Variants in ZPBP observed in about 807,000 individuals in gnomAD.
The protein encoded by ZPBP is zona pellucida-binding protein 1.
In ZPBP, 26 loss-of-function variants were observed where a neutral mutation model predicts 44.8. That is an observed-to-expected ratio of 0.58 (90% CI 0.43 to 0.81). The LOEUF is 0.81. Among genes scored for constraint, ZPBP ranks in the 30% least tolerant of loss-of-function variants. ZPBP has a pLI of 0.00. For synonymous variants in ZPBP, 174 were observed against 153.2 expected (o/e 1.14, Z -1.00); for missense variants, 409 against 434.0 (o/e 0.94, Z 0.51).
At chr7:49,973,764 G>T (rs1796391924) in intron 7 of ZPBP, among the ~76,000 whole-genome samples, 2 of 152,080 alleles carry the variant, frequency 1.3e-5, no homozygotes, top group African/African-American at 4.8e-5. Context: ...AGCTGTTGTG[G>T]AAAAGTTTGA....
chr7:49,983,103 C>T (rs992725861), intron 7 of ZPBP, among the ~76,000 whole-genome samples: 5 of 151,878 alleles, frequency 3.3e-5, no homozygotes, highest in Admixed American at 1.3e-4. Context: ...TGTTTCCTCC[C>T]AGATAACTGC....
At chr7:49,846,313 A>G (rs910547054), downstream of ZPBP, among the ~76,000 whole-genome samples, 1 of 152,140 alleles carries the variant, frequency 6.6e-6, no homozygotes, top group African/African-American at 2.4e-5. Context: ...AACAATAACA[A>G]CAACAAACAT....
intron 3 of ZPBP, among the ~76,000 whole-genome samples, chr7:50,066,890 G>A (rs1584158061): frequency 6.6e-6 from 1 of 152,246 alleles, no homozygotes; most frequent in South Asian, 2.1e-4. Flanking sequence ...CGGGCGATCT[G>A]GGTCTTGTTG....
intron 4 of ZPBP, among the ~76,000 whole-genome samples, chr7:50,032,078 C>T (rs1799631206): frequency 6.6e-6 from 1 of 152,068 alleles, no homozygotes; most frequent in African/African-American, 2.4e-5. Context: ...ACTTTCTTAC[C>T]TACACATTTA....
intron 7 of ZPBP, among the ~76,000 whole-genome samples, chr7:49,971,933 T>C (rs1246057429): frequency 6.6e-6 from 1 of 152,032 alleles, no homozygotes; most frequent in Non-Finnish European, 1.5e-5. Flanking sequence ...TATGAATGGT[T>C]TAACATGAAA....
intron 6 of ZPBP, among the ~76,000 whole-genome samples, chr7:50,008,452 T>C (rs549582476): frequency 1.3e-5 from 2 of 152,202 alleles, no homozygotes; most frequent in African/African-American, 4.8e-5. Flanking sequence ...CCCAAAGCTA[T>C]TTATAGATTT....
Position 49,983,453 on chromosome 7 carries a change from A to T in ZPBP, c.850T>A (p.Leu284Ile). Residue 284 changes from leucine to isoleucine, a missense_variant, in exon 7 of 8, where the codon TTA (leucine) becomes ATA (isoleucine). By Grantham distance (5) the Leu-to-Ile change is conservative. Transcript: ENST00000046087. ...VEILGRRAEQ[L>I]PQIYYIEGTL... Reference sequence around the variant, plus strand: ...CCTTCAATATAGTATATTTGAGGTAATTGTTCTGCACGTCTGCCAAGAATT... The same window carrying T: ...CCTTCAATATAGTATATTTGAGGTATTTGTTCTGCACGTCTGCCAAGAATT... 1 of 1,611,684 alleles carries T rather than the reference A, an allele frequency of 6.2e-7. No individual in the cohort carries two copies. The highest frequency in any genetic ancestry group is 8.5e-7 in the Non-Finnish European group (1 of 1,178,314).
rs185808684 is a variant in ZPBP, at chr7:49,905,840, G to A, written n.412-4625C>T. 3.3e-5 allele frequency among the ~76,000 whole-genome samples: 5 copies of A among 152,258 alleles called. No individual in the cohort carries two copies. The East Asian group carries it at 5.8e-4, about 18-fold the overall frequency. On this transcript the variant is annotated intron_variant and non_coding_transcript_variant, in intron 1 of 2. Transcript: ENST00000465922. ...TAAAACAGGCTGCAGTAAAGAAGCC[G>A]GCTAAAACCCACCAAAACCAAGATG... is the stretch of plus-strand genomic sequence containing the variant.
intron 3 of ZPBP, among the ~76,000 whole-genome samples, chr7:50,063,227 G>T (rs971454699): frequency 2.6e-5 from 4 of 152,178 alleles, no homozygotes; most frequent in African/African-American, 9.6e-5. Flanking sequence ...GTTAATTTTT[G>T]AAGGACTCCA....
chr7:50,079,479 T>C (rs1802260088), intron 3 of ZPBP, among the ~76,000 whole-genome samples: 1 of 151,588 alleles, frequency 6.6e-6, no homozygotes, highest in Non-Finnish European at 1.5e-5. Context: ...AAAGTCACAC[T>C]AATACTCATA....
chr7:50,062,277 T>C (rs940175362), intron 3 of ZPBP, among the ~76,000 whole-genome samples: 2 of 152,198 alleles, frequency 1.3e-5, no homozygotes, highest in Non-Finnish European at 2.9e-5. Flanking sequence ...TCAATGCTTT[T>C]CCTATCAAAT....
At chr7:49,975,778 A>G (rs548436935) in intron 7 of ZPBP, among the ~76,000 whole-genome samples, 1 of 152,258 alleles carries the variant, frequency 6.6e-6, no homozygotes. Flanking sequence ...AATGCTTCAT[A>G]AGAGTCACCT....
intron 2 of ZPBP, 117 bp from the exon 3 acceptor site, chr7:50,082,016 TC>T (rs1340052135): frequency 4.3e-6 from 5 of 1,171,934 alleles, no homozygotes; most frequent in Non-Finnish European, 6.0e-6. Flanking sequence ...GAATTATTGC[TC>T]CTATTACTTG....
intron 2 of ZPBP, among the ~76,000 whole-genome samples, chr7:49,881,744 T>C (rs369543310): frequency 2.0e-5 from 3 of 152,314 alleles, no homozygotes; most frequent in East Asian, 3.9e-4. Context: ...TGATAGGCAA[T>C]TCATCTCTTT....
At chr7:49,911,930 C>CACACACACACACAG (rs1793471954) in intron 1 of ZPBP, 1 of 805,974 alleles carries the variant, frequency 1.2e-6, no homozygotes, top group Non-Finnish European at 1.7e-6. Flanking sequence ...CACGCACACA[C>CACACACACACACAG]ACACACACAC....
intron 2 of ZPBP, among the ~76,000 whole-genome samples, chr7:49,900,298 T>A (rs947593030): frequency 6.6e-6 from 1 of 151,562 alleles, no homozygotes; most frequent in Non-Finnish European, 1.5e-5. Flanking sequence ...AATTTCAAAG[T>A]AGGCCAAAGA....
chr7:49,867,127 C>T (rs1283323026), intron 2 of ZPBP, among the ~76,000 whole-genome samples: 2 of 152,150 alleles, frequency 1.3e-5, no homozygotes, highest in African/African-American at 2.4e-5. Flanking sequence ...ATGTGGGGAG[C>T]CTCTCGAGAG....
chr7:49,908,303 T>A (rs1314836419), intron 1 of ZPBP, among the ~76,000 whole-genome samples: 2 of 152,198 alleles, frequency 1.3e-5, no homozygotes, highest in Non-Finnish European at 2.9e-5. Context: ...AGACAGGTTT[T>A]CAGGTTAACT....
chr7:49,953,207 G>C (rs1228179465), intron 7 of ZPBP, among the ~76,000 whole-genome samples: 1 of 152,112 alleles, frequency 6.6e-6, no homozygotes, highest in Non-Finnish European at 1.5e-5. Context: ...GACCAACACT[G>C]CTGGAGTTAA....
Sources: gnomAD v4.1 joint callset for allele counts (sites outside exome capture counted in the v4.1 genomes callset) on GRCh38, gnomAD v4.1.1 for gene constraint, MANE v1.5 for transcripts, NCBI Gene and HGNC (gene_info 2026-07-23, HGNC 2026-07-21) for gene names.